Variants in SLC35F5 observed in about 807,000 individuals in gnomAD.
The protein encoded by SLC35F5 is solute carrier family 35 member F5, also known as HCV NS5A-transactivated protein 3.
A neutral mutation model predicts 68.6 loss-of-function variants in SLC35F5; 54 were observed. That is an observed-to-expected ratio of 0.79 (90% confidence interval 0.63 to 0.99). The LOEUF (loss-of-function observed/expected upper bound fraction) is 0.99, where lower values mean the gene tolerates loss of function less well. Among genes scored for constraint, SLC35F5 ranks in the 50% least tolerant of loss-of-function variants. SLC35F5 has a pLI of 0.00. For synonymous variants in SLC35F5, 211 were observed against 205.2 expected, an observed-to-expected ratio of 1.03 and a Z score of -0.24; for missense variants, 567 against 626.9, an observed-to-expected ratio of 0.90 and a Z score of 1.02.
intron 12 of SLC35F5, among the ~76,000 whole-genome samples, chr2:113,724,824 T>C (rs1687594166): frequency 6.6e-6 from 1 of 152,222 alleles, no homozygotes; most frequent in African/African-American, 2.4e-5. Flanking sequence ...TATTATCGCA[T>C]ATCAGTATAT....
chr2:113,718,810 A>G (rs1687276820), intron 14 of SLC35F5, among the ~76,000 whole-genome samples: 1 of 151,680 alleles, frequency 6.6e-6, no homozygotes, highest in Admixed American at 6.6e-5. Flanking sequence ...AGAAAAAAAG[A>G]AGAAAGAGAA....
At chr2:113,732,846 C>T (rs566663740) in intron 9 of SLC35F5, among the ~76,000 whole-genome samples, 3 of 152,170 alleles carry the variant, frequency 2.0e-5, no homozygotes, top group African/African-American at 7.2e-5. Context: ...AAAATTGGCA[C>T]AGAAATGTAA....
chr2:113,725,706 C>A, intron 11 of SLC35F5, 169 bp from the exon 12 acceptor site: 6 of 487,338 alleles, frequency 1.2e-5, no homozygotes, highest in Non-Finnish European at 1.8e-5. Context: ...AGCTCAACGC[C>A]ATAGAAAAAA....
intron 15 of SLC35F5, among the ~76,000 whole-genome samples, chr2:113,716,187 A>G (rs1044963340): frequency 6.6e-6 from 1 of 152,222 alleles, no homozygotes; most frequent in Non-Finnish European, 1.5e-5. Context: ...ACAGGACCAG[A>G]TATCTCTGTA....
At chr2:113,706,267 T>G (rs576883591), downstream of SLC35F5, among the ~76,000 whole-genome samples, 1 of 152,230 alleles carries the variant, frequency 6.6e-6, no homozygotes, top group East Asian at 1.9e-4. Flanking sequence ...CGGGAGTCAA[T>G]GGCAAAAAGC....
intron 7 of SLC35F5, among the ~76,000 whole-genome samples, chr2:113,738,139 A>C (rs1336641724): frequency 6.6e-6 from 1 of 151,906 alleles, no homozygotes; most frequent in Non-Finnish European, 1.5e-5. Context: ...ATCTGCTCTT[A>C]TCAAATTACA....
In SLC35F5 at chr2:113,729,477, C is replaced by G; in HGVS notation, c.1014G>C (p.Met338Ile). The G allele has an allele frequency of 6.3e-7, 1 of 1,594,400 alleles. No homozygotes were observed. The highest frequency in any genetic ancestry group is 8.5e-7 in the Non-Finnish European group (1 of 1,171,224). The part of the protein sequence containing the change: ...VGSIWSLAGA[M>I]LYAVYIVMIK... ...TCATAACAATATAGACAGCATAGAG[C>G]ATGGCTCCAGCAAGAGACCAAATGG... The change falls in exon 11 of 16, where the codon ATG (methionine) becomes ATC (isoleucine). Residue 338 changes from methionine (M) to isoleucine (I), a missense_variant. Coordinates refer to ENST00000245680, the MANE Select transcript of SLC35F5 (RefSeq NM_025181.5).
intron 4 of SLC35F5, among the ~76,000 whole-genome samples, chr2:113,749,409 T>C (rs1365324402): frequency 6.6e-6 from 1 of 152,166 alleles, no homozygotes; most frequent in Non-Finnish European, 1.5e-5. Context: ...CTGAGGCAAG[T>C]AGACTGCTTG....
Position 113,750,507 on chromosome 2 carries a change from A to C in SLC35F5, c.335T>G (p.Val112Gly), listed in dbSNP as rs1265832767. The change falls in exon 4 of 16, where the codon GTT becomes GGT. Residue 112 changes from valine (V) to glycine (G), a missense_variant. Transcript: ENST00000245680. ...FSTFAKTSMF[V>G]LYLLGFIIWK... is the part of the protein sequence containing the mutation. Reference sequence around the variant, plus strand: ...AATAATAAAGCCCAAAAGGTACAAAACAAACATAGATGTTTTTGCAAAGGT... The same window carrying C: ...AATAATAAAGCCCAAAAGGTACAAACCAAACATAGATGTTTTTGCAAAGGT... 3 of 1,613,686 alleles carry C rather than the reference A, an allele frequency of 1.9e-6. No homozygotes were observed. Among genetic ancestry groups the C allele is most frequent in the Non-Finnish European group, 1.7e-6 (2 of 1,179,848 alleles).
At chr2:113,756,058 C>T (rs938848089) in intron 1 of SLC35F5, 23 of 1,462,002 alleles carry the variant, frequency 1.6e-5, no homozygotes, top group Non-Finnish European at 2.1e-5. Flanking sequence ...TCTATCAAAA[C>T]ATCCAGTCAT....
At chr2:113,703,186 G>C, downstream of SLC35F5, among the ~76,000 whole-genome samples, 2 of 150,624 alleles carry the variant, frequency 1.3e-5, 1 homozygote, top group Middle Eastern at 6.4e-3. Context: ...CTCTCTCTCT[G>C]TAAAAATAAG....
At chr2:113,723,215 A>G in intron 12 of SLC35F5, 21 bp from the exon 13 acceptor site, 1 of 1,510,394 alleles carries the variant, frequency 6.6e-7, no homozygotes, top group Non-Finnish European at 8.9e-7. Context: ...GAAAATATAC[A>G]TTTCTATATT....
At chr2:113,747,063 G>A (rs1676521739) in intron 4 of SLC35F5, among the ~76,000 whole-genome samples, 1 of 152,134 alleles carries the variant, frequency 6.6e-6, no homozygotes, top group South Asian at 2.1e-4. Context: ...GAGGTGGGTT[G>A]ATCACTTGAG....
At chr2:113,718,033 T>G (rs1324740040) in intron 14 of SLC35F5, among the ~76,000 whole-genome samples, 183 bp from the exon 15 acceptor site, 1 of 152,156 alleles carries the variant, frequency 6.6e-6, no homozygotes, top group East Asian at 1.9e-4. Context: ...GTTTTTTAAA[T>G]AAGAGATAGG....
At chr2:113,745,562 T>A (rs568300916) in intron 5 of SLC35F5, among the ~76,000 whole-genome samples, 1 of 152,258 alleles carries the variant, frequency 6.6e-6, no homozygotes, top group Admixed American at 6.5e-5. Flanking sequence ...TGCTTGTATT[T>A]AGGAGGCTGA....
chr2:113,716,874 T>C (rs2104965844), intron 15 of SLC35F5, among the ~76,000 whole-genome samples: 1 of 152,284 alleles, frequency 6.6e-6, no homozygotes, highest in South Asian at 2.1e-4. Flanking sequence ...CCATTAGCTG[T>C]AGGTTAGAAG....
At chr2:113,727,856 CT>C (rs1253359788) in intron 11 of SLC35F5, among the ~76,000 whole-genome samples, 1 of 152,180 alleles carries the variant, frequency 6.6e-6, no homozygotes, top group Non-Finnish European at 1.5e-5. Flanking sequence ...AGCAATTTTT[CT>C]TGCAAGTTGT....
chr2:113,731,330 T>G (rs532740256), intron 10 of SLC35F5, among the ~76,000 whole-genome samples: 2 of 152,312 alleles, frequency 1.3e-5, no homozygotes, highest in African/African-American at 4.8e-5. Flanking sequence ...AACAGTATCA[T>G]AATCAACGTT....
At chr2:113,751,900 G>A (rs770701943) in intron 3 of SLC35F5, among the ~76,000 whole-genome samples, 4 of 151,798 alleles carry the variant, frequency 2.6e-5, no homozygotes, top group Non-Finnish European at 5.9e-5. Context: ...GCATCTTGTG[G>A]TGGAAAGAAA....
Sources: allele counts gnomAD v4.1 joint callset (sites outside exome capture counted in the v4.1 genomes callset), GRCh38; gene constraint gnomAD v4.1.1; transcripts MANE v1.5; gene names NCBI Gene and HGNC (gene_info 2026-07-23, HGNC 2026-07-21).